The following TET2 variants were observed in gnomAD, a reference collection of about 807,000 sequenced individuals.
TET2 encodes the protein tet methylcytosine dioxygenase 2, also known as methylcytosine dioxygenase TET2.
A neutral mutation model predicts 142.9 loss-of-function variants in TET2; 299 were observed. That is an observed-to-expected ratio of 2.09 (90% CI 1.90 to 2.30). The LOEUF is 2.30. Ranked by LOEUF, TET2 falls within the 30% of genes most tolerant of loss-of-function variation. TET2 has a pLI of 0.00. For synonymous variants in TET2, 819 were observed against 849.0 expected (o/e 0.96, Z 0.61); for missense variants, 2,418 against 2,378.0 (o/e 1.02, Z -0.35).
chr4:105,193,451 G>A (rs1725903515), intron 2 of TET2, among the ~76,000 whole-genome samples: 1 of 152,088 alleles, frequency 6.6e-6, no homozygotes, highest in Non-Finnish European at 1.5e-5. Context: ...GGAATAATTA[G>A]AGCAGATGAG....
chr4:105,209,695 G>A (rs552774020), intron 2 of TET2, among the ~76,000 whole-genome samples: 4 of 152,224 alleles, frequency 2.6e-5, no homozygotes, highest in South Asian at 2.1e-4. Context: ...ATAAGAGGAC[G>A]TGTTTAAGAA....
intron 2 of TET2, among the ~76,000 whole-genome samples, chr4:105,199,857 C>CA (rs971603228): frequency 1.4e-4 from 22 of 151,992 alleles, no homozygotes; most frequent in African/African-American, 5.1e-4. Flanking sequence ...CATGTCCATG[C>CA]AAAAAACATG....
intron 2 of TET2, among the ~76,000 whole-genome samples, chr4:105,206,548 G>T (rs1726837806): frequency 6.6e-6 from 1 of 152,210 alleles, no homozygotes; most frequent in African/African-American, 2.4e-5. Context: ...TGATGGAGCA[G>T]TCTGCTTATT....
chr4:105,150,287 A>G (rs1243299668), intron 1 of TET2, among the ~76,000 whole-genome samples: 2 of 152,200 alleles, frequency 1.3e-5, no homozygotes, highest in Admixed American at 6.5e-5. Flanking sequence ...AAAATCTTAG[A>G]TCTACTTTTT....
In TET2 at chr4:105,277,053, A is replaced by G. The variant is rs563699819; in HGVS notation, c.*534A>G. ...CTGTAATCTTAACTTTTATTTATCA[A>G]AATAGCTACAGGAAACATGAATAGC... On this transcript the variant is annotated 3_prime_UTR_variant, in exon 11 of 11. Coordinates refer to ENST00000380013, the MANE Select transcript of TET2 (RefSeq NM_001127208.3). The G allele has an allele frequency of 1.7e-3, 387 of 232,482 alleles. 1 individual carries two copies. The highest frequency in any genetic ancestry group is 2.6e-3 in the Non-Finnish European group (305 of 117,688). The allele number at this position is 232,482 out of a possible 1,614,324, so 14.4% of individuals were successfully genotyped here. A position where few individuals can be genotyped will look rare whatever the true frequency, so the allele number is the denominator to read the frequency against.
At chr4:105,168,735 C>G (rs913778544) in intron 1 of TET2, among the ~76,000 whole-genome samples, 1 of 152,086 alleles carries the variant, frequency 6.6e-6, no homozygotes. Flanking sequence ...TTCCTCACCC[C>G]CTTCCCACCC....
chr4:105,157,639 G>A (rs552745703), intron 1 of TET2, among the ~76,000 whole-genome samples: 53 of 152,142 alleles, frequency 3.5e-4, no homozygotes, highest in African/African-American at 8.7e-4. Context: ...TGAAAAAGAC[G>A]TTTGGTTACT....
intron 2 of TET2, among the ~76,000 whole-genome samples, chr4:105,207,299 A>G (rs1451276128): frequency 1.3e-5 from 2 of 152,222 alleles, no homozygotes; most frequent in Non-Finnish European, 2.9e-5. Flanking sequence ...TAGCACAAAC[A>G]TGAAAACCTT....
chr4:105,272,854 G>T lies in TET2; in HGVS notation c.4473G>T (p.Lys1491Asn). Reference sequence around the variant, plus strand: ...AGAACAGCTCAAATAAAAATGAAAAGGAAAAGTCAGCCCCATCACGTACAA... The same window carrying T: ...AGAACAGCTCAAATAAAAATGAAAATGAAAAGTCAGCCCCATCACGTACAA... The part of the protein sequence containing the change: ...SLENSSNKNE[K>N]EKSAPSRTKQ... Residue 1491 changes from lysine (K) to asparagine (N), a missense_variant, in exon 10 of 11, where the codon AAG becomes AAT. Physicochemically the swap from Lys to Asn is moderately conservative, Grantham distance 94. Coordinates refer to ENST00000380013, the MANE Select transcript of TET2 (RefSeq NM_001127208.3). The T allele has an allele frequency of 2.6e-6, 4 of 1,551,044 alleles. No homozygotes were observed. The highest frequency in any genetic ancestry group is 3.5e-6 in the Non-Finnish European group (4 of 1,146,842).
Position 105,234,276 on chromosome 4 carries a change from T to G in TET2, c.334T>G (p.Leu112Val). 6.2e-7 allele frequency: 1 copy of G among 1,613,936 alleles called. No homozygotes were observed. Among genetic ancestry groups the G allele is most frequent in the Non-Finnish European group, 8.5e-7 (1 of 1,179,978 alleles). Residue 112 changes from leucine (L) to valine (V), a missense_variant, in exon 3 of 11, where the codon TTG becomes GTG. Transcript: ENST00000380013. ...CTCTGGGCTCCTTCAGATCAAGAAATTGAAACAAGACCAAAAGGCTAATGG... is the reference window on the plus strand; with the variant it reads ...CTCTGGGCTCCTTCAGATCAAGAAAGTGAAACAAGACCAAAAGGCTAATGG... The part of the protein sequence containing the change: ...SLSGLLQIKK[L>V]KQDQKANGER...
At chr4:105,253,470 G>A (rs571505407) in intron 6 of TET2, among the ~76,000 whole-genome samples, 23 of 151,328 alleles carry the variant, frequency 1.5e-4, no homozygotes, top group African/African-American at 5.6e-4. Context: ...TACATTGCTG[G>A]TATGCAGAAA....
At chr4:105,147,170 C>G (rs1006668185) in intron 1 of TET2, among the ~76,000 whole-genome samples, 191 bp downstream of exon 1, 1 of 152,250 alleles carries the variant, frequency 6.6e-6, no homozygotes, top group Non-Finnish European at 1.5e-5. Flanking sequence ...CCCTCTACCC[C>G]TTTTAAACCT....
chr4:105,156,575 C>T (rs1723576808), intron 1 of TET2, among the ~76,000 whole-genome samples: 1 of 152,094 alleles, frequency 6.6e-6, no homozygotes, highest in Admixed American at 6.6e-5. Flanking sequence ...CCAGGTTATA[C>T]ATTAATGAGA....
rs1400457000 is a variant in TET2 at position 105,275,039 on chromosome 4, T to A, written c.4538-9T>A. On this transcript the variant is annotated splice_polypyrimidine_tract_variant and intron_variant, in intron 10 of 10. Coordinates refer to ENST00000380013, the MANE Select transcript of TET2 (RefSeq NM_001127208.3). ...TACCTGTTTCTGTTCTCTCTTACCC[T>A]GTCCACAGAACTTTTGCGACTTTCA... 4.6e-6 allele frequency: 7 copies of A among 1,515,566 alleles called. No homozygotes were observed. The highest frequency in any genetic ancestry group is 2.6e-5 in the South Asian group (2 of 76,374). The allele number at this position is 1,515,566 out of a possible 1,614,324, so 93.9% of individuals were successfully genotyped here. A position where few individuals can be genotyped will look rare whatever the true frequency, so the allele number is the denominator to read the frequency against.
rs553038517 is a variant in TET2 at position 105,255,715 on chromosome 4, A to G, written c.3804-3904A>G. Among the ~76,000 whole-genome samples the G allele has an allele frequency of 3.9e-5, 6 of 152,210 alleles. No homozygotes were observed. The South Asian group carries it at 1.2e-3, about 32-fold the overall frequency. On this transcript the variant is annotated intron_variant, in intron 6 of 10. Transcript: ENST00000380013. ...GAACTTTTTATTATAAAATGTGTAT[A>G]TCTTGTAGATATCGTATAGTTAAAT...
intron 2 of TET2, among the ~76,000 whole-genome samples, chr4:105,229,381 G>A (rs1728364040): frequency 6.6e-6 from 1 of 152,168 alleles, no homozygotes; most frequent in African/African-American, 2.4e-5. Flanking sequence ...CGCGATCTCG[G>A]CTCACTGCAA....
chr4:105,157,427 T>C (rs146094061), intron 1 of TET2, among the ~76,000 whole-genome samples: 301 of 152,304 alleles, frequency 2.0e-3, no homozygotes, highest in African/African-American at 7.0e-3. Flanking sequence ...ATCTAGCCAC[T>C]GAAATGGTTT....
chr4:105,223,194 A>C (rs1560533118), intron 2 of TET2, among the ~76,000 whole-genome samples: 2 of 152,188 alleles, frequency 1.3e-5, no homozygotes, highest in Admixed American at 6.5e-5. Context: ...ATGAGAAATA[A>C]AAAGTTAGCT....
chr4:105,195,926 C>A (rs189040475), intron 2 of TET2, among the ~76,000 whole-genome samples: 251 of 152,128 alleles, frequency 1.6e-3, no homozygotes, highest in African/African-American at 5.8e-3. Flanking sequence ...TGACTCCTAC[C>A]CCCACTTGTA....
Sources: allele counts gnomAD v4.1 joint callset (sites outside exome capture counted in the v4.1 genomes callset), GRCh38; gene constraint gnomAD v4.1.1; transcripts MANE v1.5; gene names NCBI Gene and HGNC (gene_info 2026-07-23, HGNC 2026-07-21).